The following HNF4A variants were observed in gnomAD, a reference collection of about 807,000 sequenced individuals.
HNF4A encodes hepatocyte nuclear factor 4 alpha.
In HNF4A, 15 loss-of-function variants were observed where a neutral mutation model predicts 52.4. The observed-to-expected ratio is 0.29, with a 90% confidence interval of 0.19 to 0.44. HNF4A has a LOEUF of 0.44. HNF4A is among the 20% of genes least tolerant of loss of function. HNF4A has a pLI of 1.00. For synonymous variants in HNF4A, 280 were observed against 264.4 expected (o/e 1.06, Z -0.57); for missense variants, 479 against 647.2 (o/e 0.74, Z 2.82).
In HNF4A at chr20:44,432,684, A is replaced by G. The variant is rs993716346; in HGVS notation, c.*3019A>G. 3.3e-5 allele frequency: 5 copies of G among 152,128 alleles called. No individual in the cohort carries two copies. The highest frequency in any genetic ancestry group is 1.2e-4 in the African/African-American group (5 of 41,432). The allele number at this position is 152,128 out of a possible 1,614,324, so 9.4% of individuals were successfully genotyped here. Reference sequence around the variant, plus strand: ...AAGCGGGCTGGGTCCCATCAGAACGACCCACATCTTTCTGTGGGTGTGAAT... The same window carrying G: ...AAGCGGGCTGGGTCCCATCAGAACGGCCCACATCTTTCTGTGGGTGTGAAT... On this transcript the variant is annotated 3_prime_UTR_variant, in exon 10 of 10. Coordinates refer to ENST00000316099, the MANE Select transcript of HNF4A (RefSeq NM_000457.6).
At chr20:44,376,850 C>T (rs933690551) in intron 1 of HNF4A, among the ~76,000 whole-genome samples, 1 of 152,072 alleles carries the variant, frequency 6.6e-6, no homozygotes, top group Non-Finnish European at 1.5e-5. Flanking sequence ...TATTACTCCT[C>T]ATAATAGGTC....
intron 1 of HNF4A, chr20:44,389,755 T>G (rs2063279054): frequency 6.6e-6 from 1 of 152,242 alleles, no homozygotes; most frequent in Non-Finnish European, 1.5e-5. Context: ...ACCATCTGAC[T>G]AAACGATGAT....
chr20:44,391,563 G>A (rs753792642), intron 1 of HNF4A: 2 of 152,248 alleles, frequency 1.3e-5, no homozygotes, highest in Non-Finnish European at 2.9e-5. Flanking sequence ...GCCAGGTAGA[G>A]ATAGTTCTAA....
chr20:44,395,939 C>T (rs1369283035), intron 1 of HNF4A, among the ~76,000 whole-genome samples: 2 of 152,134 alleles, frequency 1.3e-5, no homozygotes, highest in Non-Finnish European at 2.9e-5. Flanking sequence ...CCTGGGGTGG[C>T]CAGGCGTGTG....
chr20:44,423,971 C>G (rs2063782385), intron 7 of HNF4A, 47 bp from the exon 8 acceptor site: 1 of 1,594,714 alleles, frequency 6.3e-7, no homozygotes, highest in Admixed American at 1.7e-5. Flanking sequence ...CCCAGATGCT[C>G]CAGCTGGACC....
intron 1 of HNF4A, chr20:44,372,644 G>A (rs1392130393): frequency 6.6e-6 from 1 of 152,064 alleles, no homozygotes; most frequent in Non-Finnish European, 1.5e-5. Context: ...TTTGGGAGGT[G>A]GAGTTGGTGG....
At chr20:44,358,259 A>AAAAG (rs1555806083) in intron 1 of HNF4A, among the ~76,000 whole-genome samples, 3,552 of 149,954 alleles carry the variant, frequency 0.024, 126 homozygotes, top group African/African-American at 0.081. Context: ...AAAAAAAAAA[A>AAAAG]AAAGAAAAGA....
At chr20:44,363,510 G>C (rs1400036643) in intron 1 of HNF4A, among the ~76,000 whole-genome samples, 1 of 151,928 alleles carries the variant, frequency 6.6e-6, no homozygotes, top group East Asian at 1.9e-4. Flanking sequence ...GATGCCCAGG[G>C]TCTCCTCTTG....
At chr20:44,362,508 TA>T (rs2062928243) in intron 1 of HNF4A, among the ~76,000 whole-genome samples, 2 of 150,494 alleles carry the variant, frequency 1.3e-5, no homozygotes, top group African/African-American at 4.9e-5. Flanking sequence ...GCCTGTAGCA[TA>T]AGGATGGGTC....
chr20:44,423,019 A>C (rs969953339), intron 7 of HNF4A, among the ~76,000 whole-genome samples: 1 of 152,124 alleles, frequency 6.6e-6, no homozygotes, highest in Admixed American at 6.5e-5. Flanking sequence ...CTAGGTGGTG[A>C]GTTTGAAAAG....
At chr20:44,401,972 A>G (rs2063416501) in intron 1 of HNF4A, among the ~76,000 whole-genome samples, 1 of 152,106 alleles carries the variant, frequency 6.6e-6, no homozygotes, top group African/African-American at 2.4e-5. Context: ...GGGAAATGAA[A>G]TTGGCACTTA....
At chr20:44,387,655 C>CGGGGGGGG (rs1212441244) in intron 1 of HNF4A, among the ~76,000 whole-genome samples, 5 of 8,614 alleles carry the variant, frequency 5.8e-4, no homozygotes, top group Non-Finnish European at 1.7e-3. Context: ...TGGAGGCAGG[C>CGGGGGGGG]GGGGGGGGGG....
chr20:44,360,875 TTCTTCA>T (rs539886977), intron 1 of HNF4A, among the ~76,000 whole-genome samples: 178 of 152,310 alleles, frequency 1.2e-3, no homozygotes, highest in African/African-American at 4.0e-3. Flanking sequence ...GGTCCTCAGT[TTCTTCA>T]CCCATCAAAT....
chr20:44,364,755 A>AC (rs1198527630), intron 1 of HNF4A, among the ~76,000 whole-genome samples: 1 of 152,204 alleles, frequency 6.6e-6, no homozygotes, highest in East Asian at 1.9e-4. Context: ...GGTGTGAGCC[A>AC]CCGTGCCCAG....
At chr20:44,424,639 A>G in intron 8 of HNF4A, 2 of 1,375,818 alleles carry the variant, frequency 1.5e-6, no homozygotes, top group South Asian at 1.5e-5. Context: ...AGGTAATATG[A>G]TAGAGTTTAA....
chr20:44,372,210 A>G (rs1054223216), intron 1 of HNF4A, among the ~76,000 whole-genome samples: 7 of 152,250 alleles, frequency 4.6e-5, no homozygotes, highest in African/African-American at 1.7e-4. Context: ...AGTGACTACA[A>G]GAAAAGTTTA....
chr20:44,425,182 C>A (rs2063801107), intron 8 of HNF4A, among the ~76,000 whole-genome samples: 1 of 152,196 alleles, frequency 6.6e-6, no homozygotes, highest in Non-Finnish European at 1.5e-5. Flanking sequence ...CAGGGTTTCA[C>A]CCTATTGGCC....
At chr20:44,427,769 T>G (rs2146484652) in intron 8 of HNF4A, among the ~76,000 whole-genome samples, 1 of 152,326 alleles carries the variant, frequency 6.6e-6, no homozygotes, top group East Asian at 1.9e-4. Flanking sequence ...CAGGAGAGGC[T>G]TCTAAAGAGA....
chr20:44,372,586 C>T (rs1226880544), intron 1 of HNF4A, among the ~76,000 whole-genome samples: 4 of 152,238 alleles, frequency 2.6e-5, no homozygotes, highest in Non-Finnish European at 5.9e-5. Flanking sequence ...GCTAAATACA[C>T]ATCCATTCTT....
Sources: allele counts gnomAD v4.1 joint callset (sites outside exome capture counted in the v4.1 genomes callset), GRCh38; gene constraint gnomAD v4.1.1; transcripts MANE v1.5; gene names NCBI Gene and HGNC (gene_info 2026-07-23, HGNC 2026-07-21).